WARS1: variants seen among roughly 807,000 people sequenced by gnomAD.
WARS1 encodes the protein tryptophanyl-tRNA synthetase 1, also known as tryptophan--tRNA ligase, cytoplasmic.
In WARS1, 17 loss-of-function variants were observed where a neutral mutation model predicts 47.8. The ratio of observed to expected loss-of-function variants is 0.36; its 90% CI spans 0.24 to 0.53. The LOEUF is 0.53. WARS1 is among the 20% of genes least tolerant of loss of function. WARS1 has a pLI of 0.91. For synonymous variants in WARS1, 208 were observed against 228.1 expected, an observed-to-expected ratio of 0.91 and a Z score of 0.79; for missense variants, 434 against 608.0, an observed-to-expected ratio of 0.71 and a Z score of 3.01.
At chr14:100,346,602 C>T in intron 7 of WARS1, 144 bp downstream of exon 7, 1 of 647,128 alleles carries the variant, frequency 1.5e-6, no homozygotes, top group Admixed American at 2.6e-5. Context: ...CGATGACCCA[C>T]CCACGCCTGG....
intron 9 of WARS1, chr14:100,339,980 T>C (rs550433904): frequency 6.6e-6 from 1 of 152,360 alleles, no homozygotes; most frequent in Admixed American, 6.5e-5. Flanking sequence ...ACAGCAGATG[T>C]GCCATCCGTG....
intron 7 of WARS1, among the ~76,000 whole-genome samples, chr14:100,344,588 GGAAAGTGAGGAGCGTCTCTGCCC>G (rs1351072433): frequency 2.0e-5 from 3 of 151,628 alleles, no homozygotes; most frequent in African/African-American, 7.3e-5. Context: ...TGCCCAGTCT[GGAAAGTGAGGAGCGTCTCTGCCC>G]GGCCGCCATC....
chr14:100,342,249 G>A (rs562626154), intron 9 of WARS1, 149 bp downstream of exon 9: 45 of 1,070,354 alleles, frequency 4.2e-5, no homozygotes, highest in African/African-American at 3.1e-5. Context: ...GTTCTGCAGG[G>A]AGCAAAGTTG....
At chr14:100,345,737 G>A (rs1894568129) in intron 7 of WARS1, among the ~76,000 whole-genome samples, 1 of 152,196 alleles carries the variant, frequency 6.6e-6, no homozygotes, top group African/African-American at 2.4e-5. Flanking sequence ...TAGTGTTTTG[G>A]ATGTTGTTGC....
chr14:100,356,745 G>C (rs144382434), intron 4 of WARS1, among the ~76,000 whole-genome samples: 2 of 152,122 alleles, frequency 1.3e-5, no homozygotes, highest in Non-Finnish European at 2.9e-5. Flanking sequence ...TCCTTCCCAA[G>C]CTTTTCCAAA....
chr14:100,364,906 A>G (rs8018519), intron 2 of WARS1, among the ~76,000 whole-genome samples: 1,692 of 152,288 alleles, frequency 0.011, 32 homozygotes, highest in African/African-American at 0.038. Context: ...CTACCTGGTG[A>G]GTAAATCTCT....
intron 1 of WARS1, among the ~76,000 whole-genome samples, 178 bp from the exon 2 acceptor site, chr14:100,369,436 G>C (rs1896208651): frequency 6.6e-6 from 1 of 151,534 alleles, no homozygotes; most frequent in Non-Finnish European, 1.5e-5. Context: ...ATGAAGAAGA[G>C]GAAAACCATC....
Position 100,334,763 on chromosome 14 carries a change from C to A in WARS1, c.*112G>T, listed in dbSNP as rs892661383. The A allele has an allele frequency of 1.6e-5, 20 of 1,287,310 alleles. No homozygotes were observed. Among genetic ancestry groups the A allele is most frequent in the Admixed American group, 1.0e-4 (5 of 48,526 alleles). 79.7% of individuals were successfully genotyped at this position (1,287,310 alleles called of 1,614,324 possible). A position where few individuals can be genotyped will look rare whatever the true frequency, so the allele number is the denominator to read the frequency against. On this transcript the variant is annotated 3_prime_UTR_variant, in exon 11 of 11. Coordinates refer to ENST00000392882, the MANE Select transcript of WARS1 (RefSeq NM_004184.4). Reference sequence around the variant, plus strand: ...ATACACAGGCTTACAGAGGCCAGGCCCAGTAATTACCATGAGACAGAAGCC... The same window carrying A: ...ATACACAGGCTTACAGAGGCCAGGCACAGTAATTACCATGAGACAGAAGCC...
rs1382633487 is a variant in WARS1 at position 100,352,112 on chromosome 14, T to C, written c.725+1575A>G. ...AAACCACTACTCAGTTTCTTTCTTT[T>C]TTTTTTTTTTTTTTTTTGAGACAGA... is the stretch of plus-strand genomic sequence containing the variant. On this transcript the variant is annotated intron_variant, in intron 6 of 10. Coordinates refer to ENST00000392882, the MANE Select transcript of WARS1 (RefSeq NM_004184.4). Among the ~76,000 whole-genome samples the C allele has an allele frequency of 2.4e-3, 302 of 126,900 alleles. 2 individuals carry two copies. Among genetic ancestry groups the C allele is most frequent in the African/African-American group, 8.5e-3 (265 of 31,296 alleles). 83.3% of individuals were successfully genotyped at this position (126,900 alleles called of 152,430 possible). A position where few individuals can be genotyped will look rare whatever the true frequency, so the allele number is the denominator to read the frequency against.
rs1339835103 is a variant in WARS1 at position 100,368,142 on chromosome 14, C to T, written c.99+945G>A. ...GCCTCAAGAAGATGAACTTGATAGACTAGTTGATGTGTGTTGAAAGGAGAT... is the reference window on the plus strand; with the variant it reads ...GCCTCAAGAAGATGAACTTGATAGATTAGTTGATGTGTGTTGAAAGGAGAT... On this transcript the variant is annotated intron_variant, in intron 2 of 10. Transcript: ENST00000392882. Among the ~76,000 whole-genome samples the T allele has an allele frequency of 2.0e-5, 3 of 152,130 alleles. No individual in the cohort carries two copies. In the East Asian group the frequency reaches 5.8e-4, roughly 29 times the overall value.
chr14:100,336,093 G>A (rs959750966), intron 10 of WARS1, among the ~76,000 whole-genome samples: 3 of 151,788 alleles, frequency 2.0e-5, no homozygotes, highest in Non-Finnish European at 4.4e-5. Flanking sequence ...GAATAAGACG[G>A]TAAAACCCTG....
Position 100,353,857 on chromosome 14 carries a change from A to G in WARS1, c.555T>C (p.Asp185=), listed in dbSNP as rs1023299735. The G allele has an allele frequency of 1.3e-5, 21 of 1,613,632 alleles. No individual in the cohort carries two copies. Among genetic ancestry groups the G allele is most frequent in the Non-Finnish European group, 1.8e-5 (21 of 1,179,938 alleles). The change falls in exon 6 of 11, where the codon GAT becomes GAC. Residue 185 remains aspartate (D), a synonymous_variant. Transcript: ENST00000392882. ...GGATGACCAAGGGCACGTTAAATAC[A>G]TCCTGGAGCCACCTAAAGAAACACA... The part of the protein sequence containing the change: ...IPFIFTKWLQ[D]VFNVPLVIQM...
At chr14:100,375,120 C>CGG (rs1332469985) in intron 1 of WARS1, among the ~76,000 whole-genome samples, 163 bp downstream of exon 1, 20 of 152,296 alleles carry the variant, frequency 1.3e-4, no homozygotes, top group South Asian at 2.1e-4. Context: ...ATCTCTGTTC[C>CGG]CTATGGGAGC....
At chr14:100,363,346 T>C (rs1362752084) in intron 2 of WARS1, among the ~76,000 whole-genome samples, 1 of 152,160 alleles carries the variant, frequency 6.6e-6, no homozygotes, top group Non-Finnish European at 1.5e-5. Context: ...ACCTTGTCTA[T>C]TTTCTTATAA....
chr14:100,342,318 G>C (rs757570352), intron 9 of WARS1, 80 bp downstream of exon 9: 58 of 1,580,308 alleles, frequency 3.7e-5, no homozygotes, highest in Non-Finnish European at 4.1e-5. Flanking sequence ...AAAGCACTGC[G>C]CAGTGGTGTG....
At chr14:100,348,935 C>T (rs970103721) in intron 6 of WARS1, among the ~76,000 whole-genome samples, 3 of 152,212 alleles carry the variant, frequency 2.0e-5, no homozygotes, top group East Asian at 1.9e-4. Context: ...ACCGTGAGCA[C>T]GTGTGATCCT....
In WARS1 at chr14:100,353,712, T is replaced by G. The variant is rs138324067; in HGVS notation, c.700A>C (p.Ile234Leu). Residue 234 changes from isoleucine to leucine, a missense_variant, in exon 6 of 11, where the codon ATA (isoleucine) becomes CTA (leucine). Transcript: ENST00000392882. ...ACGFDINKTF[I>L]FSDLDYMGMS... ...CCCATGTAGTCCAGGTCAGAGAATA[T>G]GAAAGTCTTGTTGATGTCAAAGCCA... The G allele has an allele frequency of 1.2e-6, 2 of 1,614,092 alleles. No individual in the cohort carries two copies. Among genetic ancestry groups the G allele is most frequent in the African/African-American group, 2.7e-5 (2 of 74,924 alleles).
At chr14:100,366,619 G>C in intron 2 of WARS1, 1 of 742,576 alleles carries the variant, frequency 1.3e-6, no homozygotes, top group South Asian at 1.4e-5. Context: ...TCAGATTGCT[G>C]TCAGACATGG....
At chr14:100,337,424 A>G (rs1480554865) in intron 9 of WARS1, among the ~76,000 whole-genome samples, 1 of 152,172 alleles carries the variant, frequency 6.6e-6, no homozygotes. Flanking sequence ...GGCTCACTGC[A>G]GGAGAGGTGG....
Sources: gnomAD v4.1 joint callset for allele counts (sites outside exome capture counted in the v4.1 genomes callset) on GRCh38, gnomAD v4.1.1 for gene constraint, MANE v1.5 for transcripts, NCBI Gene and HGNC (gene_info 2026-07-23, HGNC 2026-07-21) for gene names.